The following GLIS3 variants were observed in gnomAD, a reference collection of about 807,000 sequenced individuals.
The protein encoded by GLIS3 is GLIS family zinc finger 3.
A neutral mutation model predicts 78.6 loss-of-function variants in GLIS3; 53 were observed. The observed-to-expected ratio is 0.67, with a 90% CI of 0.54 to 0.85. The LOEUF (loss-of-function observed/expected upper bound fraction) is 0.85, where lower values mean the gene tolerates loss of function less well. Ranked by LOEUF, GLIS3 falls within the 40% of genes least tolerant of loss-of-function variation. The probability of loss-of-function intolerance (pLI) is 0.00; values close to 1 mark genes in which losing one functional copy is unlikely to be tolerated. For missense variants in GLIS3, 1,703 were observed against 1,231.1 expected, an observed-to-expected ratio of 1.38 and a Z score of -5.74; for synonymous variants, 684 against 509.9, an observed-to-expected ratio of 1.34 and a Z score of -4.60.
At chr9:4,204,697 T>TTTGGGAG (rs1819702662) in intron 2 of GLIS3, among the ~76,000 whole-genome samples, 2 of 151,574 alleles carry the variant, frequency 1.3e-5, no homozygotes, top group Admixed American at 1.3e-4. Flanking sequence ...GCGGGCAGAC[T>TTTGGGAG]GCCTGAGCTC....
At chr9:4,253,081 G>T (rs901040784) in intron 2 of GLIS3, among the ~76,000 whole-genome samples, 1 of 152,240 alleles carries the variant, frequency 6.6e-6, no homozygotes, top group Non-Finnish European at 1.5e-5. Context: ...CGATTAGGAG[G>T]CACAGGGGTC....
At chr9:4,217,397 G>C (rs1354888176) in intron 2 of GLIS3, among the ~76,000 whole-genome samples, 2 of 152,132 alleles carry the variant, frequency 1.3e-5, no homozygotes, top group African/African-American at 4.8e-5. Context: ...CTCACCCTAA[G>C]GGCAGTCACA....
the GLIS3 span, among the ~76,000 whole-genome samples, chr9:4,428,717 C>T: frequency 6.6e-6 from 1 of 151,960 alleles, no homozygotes; most frequent in Non-Finnish European, 1.5e-5. Context: ...TCATTCAAAG[C>T]CCTAGGAATC....
chr9:4,159,745 A>C (rs1203294419), intron 2 of GLIS3, among the ~76,000 whole-genome samples: 3 of 152,094 alleles, frequency 2.0e-5, no homozygotes, highest in African/African-American at 7.2e-5. Context: ...AAAGAAAAGA[A>C]AAGAAAAGAG....
intron 7 of GLIS3, among the ~76,000 whole-genome samples, chr9:3,883,249 A>G (rs1346481789): frequency 1.3e-5 from 2 of 152,190 alleles, no homozygotes; most frequent in Non-Finnish European, 2.9e-5. Flanking sequence ...CCAGAATTCA[A>G]TCTTTATTAA....
At chr9:3,899,187 C>T (rs2130606043) in intron 6 of GLIS3, among the ~76,000 whole-genome samples, 1 of 152,262 alleles carries the variant, frequency 6.6e-6, no homozygotes, top group African/African-American at 2.4e-5. Context: ...TTTAGTCCAT[C>T]TTGGAAAGTG....
the GLIS3 span, among the ~76,000 whole-genome samples, chr9:4,409,735 C>T: frequency 6.6e-6 from 1 of 151,938 alleles, no homozygotes; most frequent in South Asian, 2.1e-4. Context: ...TGATAAATCA[C>T]AAACTATCAA....
intron 2 of GLIS3, among the ~76,000 whole-genome samples, chr9:4,242,744 A>T (rs897424729): frequency 1.3e-5 from 2 of 152,200 alleles, no homozygotes; most frequent in African/African-American, 2.4e-5. Flanking sequence ...TACACCCCAG[A>T]TTCAGAAGAT....
rs1364677680 is a variant in GLIS3 at position 4,164,350 on chromosome 9, T to G, written c.389-38409A>C. On this transcript the variant is annotated intron_variant, in intron 2 of 10. Transcript: ENST00000381971. ...AGCTTAGAGGACTTTGCTTTCAGTT[T>G]GATTCTTTCATTAGCCCAAGGCTTG... Among the ~76,000 whole-genome samples the G allele has an allele frequency of 3.3e-5, 5 of 152,378 alleles. 1 individual carries two copies. Among genetic ancestry groups the G allele is most frequent in the Admixed American group, 3.3e-4 (5 of 15,310 alleles).
chr9:3,951,841 AACACAC>A lies in GLIS3; in HGVS notation c.1711-14658_1711-14653del, dbSNP rs3061609. 7.0e-3 allele frequency among the ~76,000 whole-genome samples: 910 copies of A among 130,596 alleles called. 5 individuals are homozygous for A. Among genetic ancestry groups the A allele is most frequent in the Middle Eastern group, 0.03 (8 of 268 alleles). The allele number at this position is 130,596 out of a possible 152,430, so 85.7% of individuals were successfully genotyped here. A position where few individuals can be genotyped will look rare whatever the true frequency, so the allele number is the denominator to read the frequency against. On this transcript the variant is annotated intron_variant, in intron 4 of 10. Transcript: ENST00000381971. ...AGAGAGAAAGAGAGGAATAAGCATG[AACACAC>A]ACACACACACACACACACACACACA...
chr9:4,130,749 G>C (rs1333711213), intron 2 of GLIS3, among the ~76,000 whole-genome samples: 2 of 152,216 alleles, frequency 1.3e-5, no homozygotes, highest in African/African-American at 4.8e-5. Flanking sequence ...GGGAGGCGTG[G>C]AGGTGAAATG....
intron 7 of GLIS3, among the ~76,000 whole-genome samples, chr9:3,880,999 T>A (rs1366989993): frequency 1.3e-5 from 2 of 152,208 alleles, no homozygotes; most frequent in African/African-American, 2.4e-5. Context: ...GAGCTTCTGT[T>A]GTGTGCGTCA....
At chr9:3,887,376 T>G (rs1822152150) in intron 7 of GLIS3, among the ~76,000 whole-genome samples, 1 of 152,204 alleles carries the variant, frequency 6.6e-6, no homozygotes, top group Non-Finnish European at 1.5e-5. Context: ...TAAACAAATG[T>G]GTTAGGGAGA....
intron 2 of GLIS3, among the ~76,000 whole-genome samples, chr9:4,207,930 C>T (rs1367102692): frequency 6.6e-6 from 1 of 152,212 alleles, no homozygotes; most frequent in Non-Finnish European, 1.5e-5. Context: ...TCCACTTCAG[C>T]TGCCCCAAAA....
In GLIS3 at chr9:4,028,443, T is replaced by A. The variant is rs186296983; in HGVS notation, c.1710+89325A>T. On this transcript the variant is annotated intron_variant, in intron 4 of 10. Transcript: ENST00000381971. ...CCTTTATATTAAAATCAAGAGCATATAGGACACTGAGAAGGAAATAGGGCT... is the reference window on the plus strand; with the variant it reads ...CCTTTATATTAAAATCAAGAGCATAAAGGACACTGAGAAGGAAATAGGGCT... 2.6e-5 allele frequency among the ~76,000 whole-genome samples: 4 copies of A among 152,264 alleles called. No individual in the cohort carries two copies. In the East Asian group the frequency reaches 7.7e-4, roughly 29 times the overall value.
At chr9:3,939,067 T>C (rs1184748629) in intron 4 of GLIS3, among the ~76,000 whole-genome samples, 4 of 152,194 alleles carry the variant, frequency 2.6e-5, no homozygotes, top group Non-Finnish European at 5.9e-5. Flanking sequence ...ACGCCAAGAC[T>C]GTAGCCTGGT....
At chr9:3,921,955 T>C (rs528495906) in intron 6 of GLIS3, among the ~76,000 whole-genome samples, 111 of 58,668 alleles carry the variant, frequency 1.9e-3, no homozygotes, top group Admixed American at 5.6e-3. Context: ...CACTCACACT[T>C]CACATTGGTA....
chr9:3,983,618 A>G (rs1819483071), intron 4 of GLIS3, among the ~76,000 whole-genome samples: 1 of 152,204 alleles, frequency 6.6e-6, no homozygotes, highest in South Asian at 2.1e-4. Context: ...TCTCAGATGG[A>G]AATGAGAAAC....
At position 3,824,197 on chromosome 9, in the gene GLIS3, C is replaced by T. The variant is rs927123274; in HGVS notation, c.*4075G>A. On this transcript the variant is annotated 3_prime_UTR_variant, in exon 11 of 11. Coordinates refer to ENST00000381971, the MANE Select transcript of GLIS3 (RefSeq NM_001042413.2). Reference sequence around the variant, plus strand: ...ATGTTTTATTTATGGACACTCCCAACATGTAAAGGACTCAGGGAGACATTC... The same window carrying T: ...ATGTTTTATTTATGGACACTCCCAATATGTAAAGGACTCAGGGAGACATTC... 1.2e-4 allele frequency: 18 copies of T among 152,628 alleles called. No individual in the cohort carries two copies. The highest frequency in any genetic ancestry group is 4.3e-4 in the African/African-American group (18 of 41,450). 9.5% of individuals were successfully genotyped at this position (152,628 alleles called of 1,614,324 possible).
Sources: allele counts gnomAD v4.1 joint callset (sites outside exome capture counted in the v4.1 genomes callset), GRCh38; gene constraint gnomAD v4.1.1; transcripts MANE v1.5; gene names NCBI Gene and HGNC (gene_info 2026-07-23, HGNC 2026-07-21).